The following ABAT variants were observed in gnomAD, a reference collection of about 807,000 sequenced individuals.
ABAT encodes the protein 4-aminobutyrate aminotransferase.
In ABAT, 45 loss-of-function variants were observed where a neutral mutation model predicts 64.6. The observed-to-expected ratio is 0.70, with a 90% CI of 0.55 to 0.89. ABAT has a LOEUF of 0.89. ABAT is among the 40% of genes least tolerant of loss of function. The probability of loss-of-function intolerance (pLI) is 0.00; values close to 1 mark genes in which losing one functional copy is unlikely to be tolerated. For synonymous variants in ABAT, 297 were observed against 250.5 expected, an observed-to-expected ratio of 1.19 and a Z score of -1.75; for missense variants, 633 against 658.4, an observed-to-expected ratio of 0.96 and a Z score of 0.42.
At chr16:8,761,218 C>CCT (rs2059787603) in intron 6 of ABAT, among the ~76,000 whole-genome samples, 1 of 144,950 alleles carries the variant, frequency 6.9e-6, no homozygotes, top group Admixed American at 6.9e-5. Context: ...CTCTCTCTGC[C>CCT]CTCTCACCTC....
At chr16:8,755,876 C>G (rs187805615) in intron 5 of ABAT, among the ~76,000 whole-genome samples, 6 of 152,116 alleles carry the variant, frequency 3.9e-5, no homozygotes, top group Admixed American at 3.9e-4. Flanking sequence ...GATGAAACCC[C>G]GTCTCTACTA....
At chr16:8,745,297 T>C (rs1170423142) in intron 2 of ABAT, among the ~76,000 whole-genome samples, 1 of 152,178 alleles carries the variant, frequency 6.6e-6, no homozygotes, top group Non-Finnish European at 1.5e-5. Context: ...TGCTGTTAAA[T>C]AGACAATATA....
At position 8,762,008 on chromosome 16, in the gene ABAT, TTC is replaced by T. The variant is rs545534395; in HGVS notation, c.367-2059_367-2058del. Among the ~76,000 whole-genome samples the T allele has an allele frequency of 7.4e-4, 112 of 151,938 alleles. 1 individual carries two copies. In the South Asian group the frequency reaches 0.011, roughly 15 times the overall value. ...CTCCTTCTCCTTCTCCTTCTTCTCC[TTC>T]TTCTTCTTTCTTCTTTCTCTCTCTG... On this transcript the variant is annotated intron_variant, in intron 6 of 15. Coordinates refer to ENST00000268251, the MANE Select transcript of ABAT (RefSeq NM_020686.6).
rs539493629 is a variant in ABAT at position 8,727,507 on chromosome 16, G to A, written c.-41-8192G>A. ...CTGACATTGTCACCCCAGCCAGAAA[G>A]AATCTCCCCGTATTCCCTTAGCACT... is the stretch of plus-strand genomic sequence containing the variant. On this transcript the variant is annotated intron_variant, in intron 1 of 15. Coordinates refer to ENST00000268251, the MANE Select transcript of ABAT (RefSeq NM_020686.6). Among the ~76,000 whole-genome samples the A allele has an allele frequency of 2.6e-5, 4 of 152,240 alleles. No individual in the cohort carries two copies. The South Asian group carries it at 8.3e-4, about 32-fold the overall frequency.
chr16:8,687,979 G>A (rs2057495624), intron 1 of ABAT, among the ~76,000 whole-genome samples: 1 of 151,912 alleles, frequency 6.6e-6, no homozygotes, highest in South Asian at 2.1e-4. Flanking sequence ...GCTTACTGCA[G>A]CCTCGGCCTC....
intron 1 of ABAT, chr16:8,713,662 C>A (rs1048699606): frequency 2.7e-5 from 9 of 331,754 alleles, no homozygotes; most frequent in Non-Finnish European, 6.1e-6. Flanking sequence ...TCCAAGGGGC[C>A]CTTTTCTGTC....
Position 8,779,597 on chromosome 16 carries a change from G to C in ABAT, c.1381+7G>C. 6.2e-7 allele frequency: 1 copy of C among 1,609,652 alleles called. No homozygotes were observed. Among genetic ancestry groups the C allele is most frequent in the Non-Finnish European group, 8.5e-7 (1 of 1,176,480 alleles). On this transcript the variant is annotated splice_region_variant and intron_variant, in intron 15 of 15. Coordinates refer to ENST00000268251, the MANE Select transcript of ABAT (RefSeq NM_020686.6). Reference sequence around the variant, plus strand: ...TTAATTGCCAGAAACAAAGGTAAGGGGTCAGGAGTGGCTGCTGAGTTTCAT... The same window carrying C: ...TTAATTGCCAGAAACAAAGGTAAGGCGTCAGGAGTGGCTGCTGAGTTTCAT...
chr16:8,774,847 C>T, intron 12 of ABAT, 43 bp from the exon 13 acceptor site: 4 of 1,611,344 alleles, frequency 2.5e-6, no homozygotes, highest in Non-Finnish European at 3.4e-6. Context: ...TTTCTGGCCT[C>T]CCACGGGTGT....
intron 1 of ABAT, among the ~76,000 whole-genome samples, chr16:8,717,908 G>C (rs1207063332): frequency 6.6e-6 from 1 of 151,714 alleles, no homozygotes; most frequent in African/African-American, 2.4e-5. Flanking sequence ...TCTCACCTTG[G>C]CCTCCCAACA....
chr16:8,770,465 G>T (rs868846860), intron 11 of ABAT, among the ~76,000 whole-genome samples: 1 of 150,700 alleles, frequency 6.6e-6, no homozygotes, highest in African/African-American at 2.4e-5. Flanking sequence ...TTGAGACAGG[G>T]TCTCACTCTG....
rs750238478 is a variant in ABAT, at chr16:8,756,477, G to A, written c.317-1280G>A. Among the ~76,000 whole-genome samples, 61 of 152,040 alleles carry A rather than the reference G, an allele frequency of 4.0e-4. 1 individual carries two copies. Among genetic ancestry groups the A allele is most frequent in the Non-Finnish European group, 1.8e-4 (12 of 68,018 alleles). On this transcript the variant is annotated intron_variant, in intron 5 of 15. Transcript: ENST00000268251. ...CGGTTTGTTACATAGGTAAACGTGT[G>A]CCATGGTGGTTTACTGCACCTATTG...
intron 1 of ABAT, among the ~76,000 whole-genome samples, chr16:8,680,443 G>A (rs2057305660): frequency 6.6e-6 from 1 of 151,966 alleles, no homozygotes; most frequent in African/African-American, 2.4e-5. Flanking sequence ...TTTTTGGGGG[G>A]CAGGGGGAAT....
At chr16:8,720,003 G>C (rs2058322787) in intron 1 of ABAT, among the ~76,000 whole-genome samples, 1 of 152,084 alleles carries the variant, frequency 6.6e-6, no homozygotes, top group Non-Finnish European at 1.5e-5. Context: ...TGTAGAGTTG[G>C]GACTTCACCA....
chr16:8,779,905 A>G (rs997184069), intron 15 of ABAT, among the ~76,000 whole-genome samples: 6 of 152,198 alleles, frequency 3.9e-5, no homozygotes, highest in African/African-American at 1.4e-4. Flanking sequence ...GCATGGCTTT[A>G]CACATGGCAT....
chr16:8,760,003 G>C (rs1433665935), intron 6 of ABAT: 1 of 152,194 alleles, frequency 6.6e-6, no homozygotes. Context: ...TCCCCTCTGC[G>C]GATATCCTGC....
chr16:8,723,827 ATTTTTTT>A (rs1157410078), intron 1 of ABAT, among the ~76,000 whole-genome samples: 91 of 40,356 alleles, frequency 2.3e-3, no homozygotes, highest in African/African-American at 8.1e-3. Flanking sequence ...ATATATATAT[ATTTTTTT>A]TTTTTTTTTT....
intron 1 of ABAT, among the ~76,000 whole-genome samples, chr16:8,692,689 G>A (rs540224401): frequency 6.6e-6 from 1 of 152,156 alleles, no homozygotes; most frequent in South Asian, 2.1e-4. Flanking sequence ...ACTGCACTCC[G>A]CTGGGCTAGC....
intron 5 of ABAT, 38 bp downstream of exon 5, chr16:8,750,577 G>T (rs747426093): frequency 6.3e-7 from 1 of 1,580,084 alleles, no homozygotes; most frequent in South Asian, 1.1e-5. Flanking sequence ...TATAACCTCT[G>T]TTTCTGTCTC....
chr16:8,752,286 C>T (rs2059510932), intron 5 of ABAT, among the ~76,000 whole-genome samples: 1 of 152,176 alleles, frequency 6.6e-6, no homozygotes, highest in Non-Finnish European at 1.5e-5. Flanking sequence ...ACCCCATCTC[C>T]CCTTTGTGTG....
Sources: gnomAD v4.1 joint callset for allele counts (sites outside exome capture counted in the v4.1 genomes callset) on GRCh38, gnomAD v4.1.1 for gene constraint, MANE v1.5 for transcripts, NCBI Gene and HGNC (gene_info 2026-07-23, HGNC 2026-07-21) for gene names.